FBXL7: variants seen among roughly 807,000 people sequenced by gnomAD.
The protein encoded by FBXL7 is F-box/LRR-repeat protein 7.
A neutral mutation model predicts 38.3 loss-of-function variants in FBXL7; 12 were observed. The observed-to-expected ratio is 0.31, with a 90% CI of 0.20 to 0.51. The LOEUF (loss-of-function observed/expected upper bound fraction) is 0.51. Among genes scored for constraint, FBXL7 ranks in the 20% least tolerant of loss-of-function variants. The pLI is 0.98. For synonymous variants in FBXL7, 297 were observed against 300.9 expected (o/e 0.99, Z 0.13); for missense variants, 567 against 676.4 (o/e 0.84, Z 1.79).
chr5:15,730,688 T>G (rs139112980), intron 2 of FBXL7, among the ~76,000 whole-genome samples: 3 of 152,218 alleles, frequency 2.0e-5, no homozygotes, highest in Admixed American at 6.5e-5. Context: ...ACTATGAATG[T>G]ATGTTTTGTT....
rs961795121 is a variant in FBXL7 at position 15,500,989 on chromosome 5, T to G, written c.37+276T>G. 4.6e-5 allele frequency among the ~76,000 whole-genome samples: 7 copies of G among 152,216 alleles called. 1 individual carries two copies. Among genetic ancestry groups the G allele is most frequent in the Admixed American group, 1.3e-4 (2 of 15,288 alleles). On this transcript the variant is annotated intron_variant, in intron 1 of 3. Coordinates refer to ENST00000504595, the MANE Select transcript of FBXL7 (RefSeq NM_012304.5). ...TCTCTGCTGTGTTTCTGAGCACATA[T>G]GCCTTAACCTTCCTTCCCTGGGCAT...
In FBXL7 at chr5:15,607,165, G is replaced by A. The variant is rs148680304; in HGVS notation, c.38-8818G>A. The A allele has an allele frequency of 6.0e-4, 91 of 152,262 alleles. 1 individual carries two copies. The highest frequency in any genetic ancestry group is 2.1e-3 in the African/African-American group (89 of 41,564). The allele number at this position is 152,262 out of a possible 1,614,324, so 9.4% of individuals were successfully genotyped here. ...CTTGAAAAAAATTCACTTACCTTTG[G>A]TATGGACACTTAGTATTAAATCAGG... is the stretch of plus-strand genomic sequence containing the variant. On this transcript the variant is annotated intron_variant, in intron 1 of 3. Transcript: ENST00000504595.
intron 1 of FBXL7, among the ~76,000 whole-genome samples, chr5:15,557,716 C>G (rs768791948): frequency 1.3e-5 from 2 of 152,158 alleles, no homozygotes; most frequent in Non-Finnish European, 2.9e-5. Flanking sequence ...GGAGCAGGCT[C>G]TTGGGATTGC....
Position 15,732,287 on chromosome 5 carries a change from C to G in FBXL7, c.127+116215C>G, listed in dbSNP as rs191500924. Among the ~76,000 whole-genome samples the G allele has an allele frequency of 3.1e-3, 470 of 152,242 alleles. 1 individual carries two copies. The highest frequency in any genetic ancestry group is 0.017 in the Middle Eastern group (5 of 294). ...AACTATTCTTTCACAGCTTAAGGGTCACTCTATTGTTAAAAAAATAAAATA... is the reference window on the plus strand; with the variant it reads ...AACTATTCTTTCACAGCTTAAGGGTGACTCTATTGTTAAAAAAATAAAATA... On this transcript the variant is annotated intron_variant, in intron 2 of 3. Coordinates refer to ENST00000504595, the MANE Select transcript of FBXL7 (RefSeq NM_012304.5).
chr5:15,640,434 C>T (rs1561064734), intron 2 of FBXL7, among the ~76,000 whole-genome samples: 1 of 152,112 alleles, frequency 6.6e-6, no homozygotes, highest in Non-Finnish European at 1.5e-5. Context: ...CACTCTGCTG[C>T]AGGATAATCT....
At chr5:15,872,046 G>A (rs1389702911) in intron 2 of FBXL7, among the ~76,000 whole-genome samples, 2 of 152,148 alleles carry the variant, frequency 1.3e-5, no homozygotes, top group African/African-American at 4.8e-5. Flanking sequence ...AGAAAGGTCG[G>A]GTTACCCACA....
intron 2 of FBXL7, among the ~76,000 whole-genome samples, chr5:15,899,808 C>G (rs1423355302): frequency 1.3e-5 from 2 of 152,056 alleles, no homozygotes; most frequent in African/African-American, 4.8e-5. Flanking sequence ...AGGGAAAGAG[C>G]TTTCAACAGA....
chr5:15,576,354 G>A lies in FBXL7; in HGVS notation c.38-39629G>A, dbSNP rs191694349. Reference sequence around the variant, plus strand: ...CCGCCTTGGCCTCCCAAACTGCTGGGATTACGGGCATGAGCCACTGTGCCT... The same window carrying A: ...CCGCCTTGGCCTCCCAAACTGCTGGAATTACGGGCATGAGCCACTGTGCCT... On this transcript the variant is annotated intron_variant, in intron 1 of 3. Coordinates refer to ENST00000504595, the MANE Select transcript of FBXL7 (RefSeq NM_012304.5). Among the ~76,000 whole-genome samples the A allele has an allele frequency of 2.4e-3, 362 of 152,118 alleles. 2 individuals are homozygous for A. Among genetic ancestry groups the A allele is most frequent in the African/African-American group, 7.6e-3 (316 of 41,524 alleles).
chr5:15,878,188 C>T (rs1241661100), intron 2 of FBXL7, among the ~76,000 whole-genome samples: 1 of 152,146 alleles, frequency 6.6e-6, no homozygotes, highest in East Asian at 1.9e-4. Context: ...TCTTTTTGAA[C>T]AAAGAACACT....
At chr5:15,628,642 T>G (rs577235512) in intron 2 of FBXL7, among the ~76,000 whole-genome samples, 1 of 152,334 alleles carries the variant, frequency 6.6e-6, no homozygotes, top group East Asian at 1.9e-4. Flanking sequence ...GTGAATACAT[T>G]TAAGCATGCT....
At chr5:15,705,193 G>A (rs1482983504) in intron 2 of FBXL7, among the ~76,000 whole-genome samples, 1 of 152,202 alleles carries the variant, frequency 6.6e-6, no homozygotes, top group African/African-American at 2.4e-5. Context: ...CAGCCTCAGT[G>A]TTAGAGGCTC....
At chr5:15,527,554 T>G (rs1737287198) in intron 1 of FBXL7, among the ~76,000 whole-genome samples, 1 of 152,246 alleles carries the variant, frequency 6.6e-6, no homozygotes, top group South Asian at 2.1e-4. Flanking sequence ...TTAAAGAGTT[T>G]TCTCTAAAAT....
intron 2 of FBXL7, among the ~76,000 whole-genome samples, chr5:15,923,173 G>T (rs1260449255): frequency 1.3e-5 from 2 of 152,150 alleles, no homozygotes; most frequent in East Asian, 1.9e-4. Context: ...CTGCATCGGG[G>T]TCCCTGTTTC....
rs1191136665 is a variant in FBXL7 at position 15,720,326 on chromosome 5, C to T, written c.127+104254C>T. On this transcript the variant is annotated intron_variant, in intron 2 of 3. Transcript: ENST00000504595. ...AGGTGGAAGAGGATAGTGGAAAGGA[C>T]TGAGGGTAAATTATACAACCAATTA... Among the ~76,000 whole-genome samples the T allele has an allele frequency of 1.3e-5, 2 of 148,368 alleles. 1 individual carries two copies. Among genetic ancestry groups the T allele is most frequent in the Non-Finnish European group, 3.0e-5 (2 of 66,514 alleles).
chr5:15,586,794 T>G (rs950159795), intron 1 of FBXL7, among the ~76,000 whole-genome samples: 7 of 152,182 alleles, frequency 4.6e-5, no homozygotes, highest in Non-Finnish European at 1.0e-4. Flanking sequence ...TAAAAACACT[T>G]TAAAAATTTC....
At chr5:15,706,698 GAAC>G (rs1342498771) in intron 2 of FBXL7, among the ~76,000 whole-genome samples, 2 of 152,262 alleles carry the variant, frequency 1.3e-5, no homozygotes, top group East Asian at 1.9e-4. Flanking sequence ...AAAAACAAAA[GAAC>G]AACAACTACC....
At chr5:15,577,594 TTG>T (rs34405217) in intron 1 of FBXL7, among the ~76,000 whole-genome samples, 45,426 of 146,652 alleles carry the variant, frequency 0.31, 7,375 homozygotes, top group East Asian at 0.47. Context: ...GTAATGCATT[TTG>T]TGTGTGTGTG....
chr5:15,680,316 TATA>T (rs1174049661), intron 2 of FBXL7, among the ~76,000 whole-genome samples: 1 of 152,180 alleles, frequency 6.6e-6, no homozygotes, highest in Non-Finnish European at 1.5e-5. Flanking sequence ...GTGCTAAAGT[TATA>T]ATCAAAAACA....
Position 15,885,890 on chromosome 5 carries a change from AT to A in FBXL7, c.128-41989del, listed in dbSNP as rs200739879. 3.9e-3 allele frequency among the ~76,000 whole-genome samples: 567 copies of A among 145,228 alleles called. 1 individual carries two copies. The highest frequency in any genetic ancestry group is 0.012 in the African/African-American group (489 of 39,782). On this transcript the variant is annotated intron_variant, in intron 2 of 3. Coordinates refer to ENST00000504595, the MANE Select transcript of FBXL7 (RefSeq NM_012304.5). ...AACCAGGGATTTTTTAATTTATTTT[AT>A]TTTTTTTTTTGTAGAGACGAGGTTT...
Sources: allele counts gnomAD v4.1 joint callset (sites outside exome capture counted in the v4.1 genomes callset), GRCh38; gene constraint gnomAD v4.1.1; transcripts MANE v1.5; gene names NCBI Gene and HGNC (gene_info 2026-07-23, HGNC 2026-07-21).